The following CMYA5 variants were observed in gnomAD, a reference collection of about 807,000 sequenced individuals.
CMYA5 encodes the protein cardiomyopathy-associated protein 5.
Under a neutral mutation model 318.9 loss-of-function variants are expected in CMYA5, and 246 were observed. That is an observed-to-expected ratio of 0.77 (90% CI 0.70 to 0.86). The LOEUF is 0.86. Ranked by LOEUF, CMYA5 falls within the 40% of genes least tolerant of loss-of-function variation. The probability of loss-of-function intolerance (pLI) is 0.00; values close to 1 mark genes in which losing one functional copy is unlikely to be tolerated. For missense variants in CMYA5, 4,589 were observed against 4,678.2 expected (o/e 0.98, Z 0.56); for synonymous variants, 1,641 against 1,729.5 (o/e 0.95, Z 1.27).
At chr5:79,751,989 G>C (rs997205954) in intron 5 of CMYA5, among the ~76,000 whole-genome samples, 1 of 152,188 alleles carries the variant, frequency 6.6e-6, no homozygotes, top group Non-Finnish European at 1.5e-5. Context: ...AAGCCTTTTT[G>C]TCATTGTTTG....
intron 2 of CMYA5, among the ~76,000 whole-genome samples, chr5:79,742,048 CTCTTCTTCT>C (rs200715392): frequency 0.089 from 9,136 of 102,152 alleles, 376 homozygotes; most frequent in East Asian, 0.17. Context: ...CCTCTTTCTC[CTCTTCTTCT>C]TCTTCTTCTT....
intron 1 of CMYA5, among the ~76,000 whole-genome samples, chr5:79,698,382 AG>A (rs1827112364): frequency 6.6e-6 from 1 of 151,884 alleles, no homozygotes; most frequent in African/African-American, 2.4e-5. Context: ...GCCACTTACT[AG>A]TTGTGTGACG....
Position 79,733,833 on chromosome 5 carries a change from G to T in CMYA5, c.5068G>T (p.Ala1690Ser). 6.2e-7 allele frequency: 1 copy of T among 1,613,670 alleles called. No individual in the cohort carries two copies. Among genetic ancestry groups the T allele is most frequent in the Non-Finnish European group, 8.5e-7 (1 of 1,179,800 alleles). The change falls in exon 2 of 13, where the codon GCA becomes TCA. Residue 1690 changes from alanine to serine, a missense_variant. Around this residue, in one of 3 missense-constraint regions of CMYA5, gnomAD observed 2,132 missense variants for 2,131.3 expected, o/e 1.00. Coordinates refer to ENST00000446378, the MANE Select transcript of CMYA5 (RefSeq NM_153610.5). ...AAAAGAAGAAAATAGAGAGCTTTGT[G>T]CATCTTCTACGATGCCTGCAATTTC... ...EGKEENRELC[A>S]SSTMPAISEL...
At chr5:79,695,909 G>A (rs1827058289) in intron 1 of CMYA5, among the ~76,000 whole-genome samples, 1 of 152,190 alleles carries the variant, frequency 6.6e-6, no homozygotes, top group Non-Finnish European at 1.5e-5. Context: ...CAGCTCTTGT[G>A]CTGCTGATTG....
intron 9 of CMYA5, among the ~76,000 whole-genome samples, chr5:79,787,342 A>G (rs1402208165): frequency 6.6e-6 from 1 of 152,208 alleles, no homozygotes; most frequent in Non-Finnish European, 1.5e-5. Context: ...CAGGCTGACT[A>G]TGCTTAGTGA....
intron 10 of CMYA5, among the ~76,000 whole-genome samples, chr5:79,790,079 C>T (rs1327135098): frequency 1.3e-5 from 2 of 152,244 alleles, no homozygotes; most frequent in East Asian, 1.9e-4. Flanking sequence ...GTTGAGTGGG[C>T]GCAACAAGCG....
chr5:79,794,271 A>G (rs1352237079), intron 12 of CMYA5, among the ~76,000 whole-genome samples: 8 of 152,256 alleles, frequency 5.3e-5, no homozygotes, highest in Non-Finnish European at 8.8e-5. Flanking sequence ...CAGAGGTGAC[A>G]GATGTCTGTC....
chr5:79,743,490 G>A (rs541577574), intron 2 of CMYA5, among the ~76,000 whole-genome samples: 1 of 152,216 alleles, frequency 6.6e-6, no homozygotes, highest in East Asian at 1.9e-4. Context: ...TAAAAACCAA[G>A]GTCTTACTAG....
intron 9 of CMYA5, 23 bp downstream of exon 9, chr5:79,763,232 G>C: frequency 6.4e-7 from 1 of 1,570,490 alleles, no homozygotes; most frequent in Non-Finnish European, 8.6e-7. Context: ...CTCCATGGGA[G>C]AGACTGCCCA....
At chr5:79,723,497 C>G (rs1827686693) in intron 1 of CMYA5, among the ~76,000 whole-genome samples, 1 of 147,464 alleles carries the variant, frequency 6.8e-6, no homozygotes, top group Non-Finnish European at 1.5e-5. Context: ...CATGGTGGCT[C>G]ACACCTGTAA....
rs571512200 is a variant in CMYA5 at position 79,737,583 on chromosome 5, C to T, written c.8818C>T (p.Gln2940Ter). ...TSKPAGLSED[Q>*]KTAFSIISEG... ...TAAGCCAGCCGGACTTTCAGAAGAT[C>T]AGAAGACTGCCTTTAGTATCATTTC... The change falls in exon 2 of 13, where the codon CAG (glutamine) becomes TAG (stop). Residue 2940 changes from glutamine (Q) to a stop codon, truncating the protein, a stop_gained. Transcript: ENST00000446378. LOFTEE classifies it high-confidence loss of function. 2.2e-5 allele frequency: 36 copies of T among 1,613,678 alleles called. No homozygotes were observed. The African/African-American group carries it at 4.3e-4, about 19-fold the overall frequency.
chr5:79,734,890 T>C lies in CMYA5; in HGVS notation c.6125T>C (p.Leu2042Pro), dbSNP rs1828015776. 6.2e-7 allele frequency: 1 copy of C among 1,613,678 alleles called. No homozygotes were observed. Among genetic ancestry groups the C allele is most frequent in the Non-Finnish European group, 8.5e-7 (1 of 1,179,816 alleles). Residue 2042 changes from leucine to proline, a missense_variant, in exon 2 of 13, where the codon CTA becomes CCA. This residue lies in a region of CMYA5 where 2,431 missense variants were observed against 2,495.1 expected (regional missense o/e 0.97). Coordinates refer to ENST00000446378, the MANE Select transcript of CMYA5 (RefSeq NM_153610.5). ...SKEDSQEKIK[L>P]PPERFFQKPV... The stretch of plus-strand genomic sequence containing the variant: ...GAAGATAGCCAGGAAAAAATTAAAC[T>C]ACCTCCTGAAAGATTCTTCCAGAAA...
At chr5:79,774,226 A>G (rs1457209098) in intron 9 of CMYA5, 1 of 152,058 alleles carries the variant, frequency 6.6e-6, no homozygotes, top group Non-Finnish European at 1.5e-5. Context: ...ACATTTGCAT[A>G]TTTTTGCGTG....
In CMYA5 at chr5:79,739,229, A is replaced by C. The variant is rs769312913; in HGVS notation, c.10464A>C (p.Glu3488Asp). The change falls in exon 2 of 13, where the codon GAA (glutamate) becomes GAC (aspartate). Residue 3488 changes from glutamate to aspartate, a missense_variant. Physicochemically the swap from Glu to Asp is conservative, Grantham distance 45. This residue lies in a region of CMYA5 where 2,431 missense variants were observed against 2,495.1 expected (regional missense o/e 0.97). Transcript: ENST00000446378. Reference protein sequence around the residue: ...QKELGSERKEEDQLSSEVVTE... With the variant: ...QKELGSERKEDDQLSSEVVTE... ...AGTTGGGCAGCGAGAGGAAAGAAGA[A>C]GACCAATTATCATCTGAGGTAGTAA... 2.0e-5 allele frequency: 33 copies of C among 1,613,032 alleles called. No individual in the cohort carries two copies. Among genetic ancestry groups the C allele is most frequent in the South Asian group, 1.1e-4 (10 of 90,860 alleles).
Position 79,777,796 on chromosome 5 carries a change from AT to A in CMYA5, c.11556-11166del, listed in dbSNP as rs61306668. On this transcript the variant is annotated intron_variant, in intron 9 of 12. Transcript: ENST00000446378. The stretch of plus-strand genomic sequence containing the variant: ...ATCTTAAAAAAAATAATAAAAATAA[AT>A]TTTTTTTTAAGTTTTATTTTATTGT... 2.6e-3 allele frequency among the ~76,000 whole-genome samples: 399 copies of A among 151,046 alleles called. 3 individuals carry two copies. The highest frequency in any genetic ancestry group is 5.9e-3 in the Admixed American group (90 of 15,196).
At chr5:79,754,004 A>G (rs1241358254) in intron 6 of CMYA5, among the ~76,000 whole-genome samples, 2 of 152,324 alleles carry the variant, frequency 1.3e-5, no homozygotes, top group East Asian at 3.9e-4. Context: ...GGGCAATGAG[A>G]GGACGTTTAA....
chr5:79,730,135 A>G lies in CMYA5; in HGVS notation c.1370A>G (p.Gln457Arg). ...GATGGTTTGGACCCAGACCAAGAAC[A>G]GCCGGACCTGACTTCAATAGAAAGG... ...TQDGLDPDQEQPDLTSIERAE... is the reference protein window; with the variant it reads ...TQDGLDPDQERPDLTSIERAE... Residue 457 changes from glutamine to arginine, a missense_variant, in exon 2 of 13, where the codon CAG becomes CGG. Transcript: ENST00000446378. 1 of 1,613,894 alleles carries G rather than the reference A, an allele frequency of 6.2e-7. No homozygotes were observed. The highest frequency in any genetic ancestry group is 8.5e-7 in the Non-Finnish European group (1 of 1,179,896).
At chr5:79,764,266 C>T (rs1419617737) in intron 9 of CMYA5, among the ~76,000 whole-genome samples, 1 of 151,214 alleles carries the variant, frequency 6.6e-6, no homozygotes, top group Non-Finnish European at 1.5e-5. Context: ...GTTTTTTCTT[C>T]CTGTGTTAGT....
intron 7 of CMYA5, among the ~76,000 whole-genome samples, chr5:79,759,428 G>C (rs1561222211): frequency 6.6e-6 from 1 of 152,228 alleles, no homozygotes; most frequent in East Asian, 1.9e-4. Flanking sequence ...GATTCATTCA[G>C]TGTTCACAGT....
Sources: gnomAD v4.1 joint callset for allele counts (sites outside exome capture counted in the v4.1 genomes callset) on GRCh38, gnomAD v4.1.1 for gene constraint, gnomAD v4.1.1 regional missense constraint, MANE v1.5 for transcripts, NCBI Gene and HGNC (gene_info 2026-07-23, HGNC 2026-07-21) for gene names.